Variants in AMDHD2 observed in about 807,000 individuals in gnomAD.
AMDHD2 encodes the protein N-acetylglucosamine-6-phosphate deacetylase.
In AMDHD2, 24 loss-of-function variants were observed where a neutral mutation model predicts 41.8. The observed-to-expected ratio is 0.57, with a 90% CI of 0.42 to 0.81. The LOEUF (loss-of-function observed/expected upper bound fraction) is 0.81, where lower values mean the gene tolerates loss of function less well. AMDHD2 is among the 30% of genes least tolerant of loss of function. AMDHD2 has a pLI of 0.00. For synonymous variants in AMDHD2, 332 were observed against 255.5 expected (o/e 1.30, Z -2.85); for missense variants, 540 against 588.5 (o/e 0.92, Z 0.85).
In AMDHD2 at chr16:2,529,078, A is replaced by C. The variant is rs975804942; in HGVS notation, c.1124A>C (p.Asp375Ala). ...CTGGAGAAGAGTAAGGGGACCCTGG[A>C]CTTTGGTGCTGACGCAGGTGAGGGC... ...LGLEKSKGTL[D>A]FGADADFVVL... is the part of the protein sequence containing the mutation. Residue 375 changes from aspartate to alanine, a missense_variant, in exon 10 of 11, where the codon GAC becomes GCC. By Grantham distance (126) the Asp-to-Ala change is moderately radical. Transcript: ENST00000293971. 1.3e-6 allele frequency: 2 copies of C among 1,589,924 alleles called. No homozygotes were observed. The highest frequency in any genetic ancestry group is 8.6e-7 in the Non-Finnish European group (1 of 1,169,042).
Position 2,520,479 on chromosome 16 carries a change from G to C in AMDHD2, c.21G>C (p.Ala7=). The C allele has an allele frequency of 1.6e-6, 2 of 1,233,894 alleles. No individual in the cohort carries two copies. Among genetic ancestry groups the C allele is most frequent in the Non-Finnish European group, 2.0e-6 (2 of 982,412 alleles). 76.4% of individuals were successfully genotyped at this position (1,233,894 alleles called of 1,614,324 possible). The change falls in exon 1 of 11, where the codon GCG becomes GCC. Residue 7 remains alanine (A), a synonymous_variant. Transcript: ENST00000293971. ...TCACGATGCGCGGCGAGCAGGGCGC[G>C]GCGGGGGCCCGCGTGCTCCAGTTCA... The part of the protein sequence containing the change: MRGEQG[A]AGARVLQFTN...
In AMDHD2 at chr16:2,529,074, C is replaced by G; in HGVS notation, c.1120C>G (p.Leu374Val). 1 of 1,593,508 alleles carries G rather than the reference C, an allele frequency of 6.3e-7. No individual in the cohort carries two copies. The highest frequency in any genetic ancestry group is 8.5e-7 in the Non-Finnish European group (1 of 1,170,696). Reference sequence around the variant, plus strand: ...GGGGCTGGAGAAGAGTAAGGGGACCCTGGACTTTGGTGCTGACGCAGGTGA... The same window carrying G: ...GGGGCTGGAGAAGAGTAAGGGGACCGTGGACTTTGGTGCTGACGCAGGTGA... ...LLGLEKSKGTLDFGADADFVV... is the reference protein window; with the variant it reads ...LLGLEKSKGTVDFGADADFVV... The change falls in exon 10 of 11, where the codon CTG (leucine) becomes GTG (valine). Residue 374 changes from leucine to valine, a missense_variant. By Grantham distance (32) the Leu-to-Val change is conservative. Transcript: ENST00000293971.
chr16:2,520,382 CG>C lies in AMDHD2; in HGVS notation c.-75del. 8.6e-7 allele frequency: 1 copy of C among 1,157,496 alleles called. No homozygotes were observed. The highest frequency in any genetic ancestry group is 1.1e-6 in the Non-Finnish European group (1 of 924,238). The allele number at this position is 1,157,496 out of a possible 1,614,324, so 71.7% of individuals were successfully genotyped here. A position where few individuals can be genotyped will look rare whatever the true frequency, so the allele number is the denominator to read the frequency against. On this transcript the variant is annotated 5_prime_UTR_variant, in exon 1 of 11. Coordinates refer to ENST00000293971, the MANE Select transcript of AMDHD2 (RefSeq NM_001330449.2). The stretch of plus-strand genomic sequence containing the variant: ...GTCACGTGGGCGCGGTCTCAGCTCT[CG>C]GCTGGGGTTCGTCACTGGGCGCGGG...
chr16:2,522,373 A>G (rs914513120), intron 3 of AMDHD2, among the ~76,000 whole-genome samples: 4 of 151,934 alleles, frequency 2.6e-5, no homozygotes, highest in Non-Finnish European at 5.9e-5. Flanking sequence ...TTGTGCCACC[A>G]CACCCGACTA....
In AMDHD2 at chr16:2,529,936, G is replaced by A. The variant is rs533722258; in HGVS notation, c.*373G>A. ...GGAAAGTGTCACTATGGGAGGGAGG[G>A]GCAGGCAGTCAGTGGCTGGTGCCAT... On this transcript the variant is annotated 3_prime_UTR_variant, in exon 11 of 11. Coordinates refer to ENST00000293971, the MANE Select transcript of AMDHD2 (RefSeq NM_001330449.2). 38 of 909,692 alleles carry A rather than the reference G, an allele frequency of 4.2e-5. No homozygotes were observed. Among genetic ancestry groups the A allele is most frequent in the African/African-American group, 3.9e-4 (23 of 59,724 alleles). 56.4% of individuals were successfully genotyped at this position (909,692 alleles called of 1,614,324 possible). A position where few individuals can be genotyped will look rare whatever the true frequency, so the allele number is the denominator to read the frequency against.
At position 2,530,035 on chromosome 16, in the gene AMDHD2, A is replaced by G. The variant is rs750154542; in HGVS notation, c.*472A>G. 1.3e-5 allele frequency: 10 copies of G among 765,854 alleles called. No individual in the cohort carries two copies. The highest frequency in any genetic ancestry group is 8.9e-5 in the Admixed American group (3 of 33,554). 47.4% of individuals were successfully genotyped at this position (765,854 alleles called of 1,614,324 possible). On this transcript the variant is annotated 3_prime_UTR_variant, in exon 11 of 11. Coordinates refer to ENST00000293971, the MANE Select transcript of AMDHD2 (RefSeq NM_001330449.2). ...CCAGTCACAGGGAGTGTGGACAGTC[A>G]GGGGTTTGCTTTCTGCTCCTGAGTT...
chr16:2,527,560 G>C lies in AMDHD2; in HGVS notation c.361-1G>C. The C allele has an allele frequency of 6.2e-7, 1 of 1,612,606 alleles. No individual in the cohort carries two copies. The highest frequency in any genetic ancestry group is 1.1e-5 in the South Asian group (1 of 90,574). ...GGGCTTTAACAGCTGGTTCCCCCCA[G>C]GTTGTTCCTCAGATCCCTGTGAAGA... On this transcript the variant is annotated splice_acceptor_variant, in intron 3 of 10. Transcript: ENST00000293971. LOFTEE classifies it high-confidence loss of function. This position sits in a 1 kb window ranked among gnomAD's most constrained non-coding sequence, Gnocchi z 6.1.
At chr16:2,524,806 A>T (rs542792275) in intron 3 of AMDHD2, among the ~76,000 whole-genome samples, 1 of 152,076 alleles carries the variant, frequency 6.6e-6, no homozygotes, top group Non-Finnish European at 1.5e-5. Flanking sequence ...AGAGCTGAAC[A>T]TCAGTGCTCT....
Position 2,530,645 on chromosome 16 carries a change from C to G in AMDHD2, c.*1082C>G, listed in dbSNP as rs528798188. The G allele has an allele frequency of 3.7e-6, 6 of 1,614,202 alleles. No homozygotes were observed. The African/African-American group carries it at 4.0e-5, about 11-fold the overall frequency. On this transcript the variant is annotated 3_prime_UTR_variant, in exon 11 of 11. Transcript: ENST00000293971. ...TGCCACTGTTCTCTTCCCTCTGCTG[C>G]AAAGCCCAGTTAAGGAAATGTCTCC...
intron 3 of AMDHD2, among the ~76,000 whole-genome samples, chr16:2,521,818 CTG>C (rs1230177120): frequency 2.3e-5 from 3 of 128,090 alleles, no homozygotes; most frequent in Non-Finnish European, 4.7e-5. Flanking sequence ...GAGTCTCGCT[CTG>C]TCGCCCAGGC....
At chr16:2,522,418 C>A (rs1016165652) in intron 3 of AMDHD2, among the ~76,000 whole-genome samples, 1 of 152,094 alleles carries the variant, frequency 6.6e-6, no homozygotes, top group Non-Finnish European at 1.5e-5. Flanking sequence ...CGCGGTGGCT[C>A]ACGCCTGTAA....
chr16:2,527,804 G>T lies in AMDHD2; in HGVS notation c.447G>T (p.Arg149=). ...ACCTGGAGGGCCCCTTCATCAGCCG[G>T]GAGAAGCGGGGCGCGCACCCCGAGG... ...GLHLEGPFIS[R]EKRGAHPEAH... Residue 149 remains arginine (R), a synonymous_variant, in exon 5 of 11, where the codon CGG becomes CGT. Coordinates refer to ENST00000293971, the MANE Select transcript of AMDHD2 (RefSeq NM_001330449.2). This position sits in a 1 kb window ranked among gnomAD's most constrained non-coding sequence, Gnocchi z 6.1. The T allele has an allele frequency of 6.3e-7, 1 of 1,586,212 alleles. No homozygotes were observed. The highest frequency in any genetic ancestry group is 8.5e-7 in the Non-Finnish European group (1 of 1,170,978).
chr16:2,521,392 C>G (rs889135750), intron 3 of AMDHD2, among the ~76,000 whole-genome samples: 5 of 152,168 alleles, frequency 3.3e-5, no homozygotes, highest in African/African-American at 9.7e-5. Flanking sequence ...GTCCCCACCC[C>G]CTGCACTGCA....
chr16:2,523,786 A>G (rs549568329), intron 3 of AMDHD2, among the ~76,000 whole-genome samples: 215 of 151,564 alleles, frequency 1.4e-3, no homozygotes, highest in African/African-American at 5.0e-3. Flanking sequence ...TTCCTTTCCT[A>G]CCTGTCCAGC....
In AMDHD2 at chr16:2,530,759, AG is replaced by A. The variant is rs768912903; in HGVS notation, c.*1199del. The A allele has an allele frequency of 6.2e-7, 1 of 1,613,554 alleles. No homozygotes were observed. ...ACCTGCCTGGGCAGGGCCTCGCCTGAGGGAGGGCCTGGGGCAGGGCACAAGG... is the reference window on the plus strand; with the variant it reads ...ACCTGCCTGGGCAGGGCCTCGCCTGAGGAGGGCCTGGGGCAGGGCACAAGG... On this transcript the variant is annotated 3_prime_UTR_variant, in exon 11 of 11. Transcript: ENST00000293971.
intron 3 of AMDHD2, among the ~76,000 whole-genome samples, chr16:2,522,307 C>T (rs1463874266): frequency 1.3e-5 from 2 of 152,182 alleles, no homozygotes; most frequent in East Asian, 3.9e-4. Context: ...GTTCTGAACT[C>T]CTGGGCTCAA....
At position 2,520,976 on chromosome 16, in the gene AMDHD2, G is replaced by T. The variant is rs1412007983; in HGVS notation, c.221-8G>T. 2.9e-5 allele frequency: 47 copies of T among 1,597,876 alleles called. No homozygotes were observed. Among genetic ancestry groups the T allele is most frequent in the Non-Finnish European group, 3.9e-5 (46 of 1,168,744 alleles). On this transcript the variant is annotated splice_polypyrimidine_tract_variant and splice_region_variant and intron_variant, in intron 2 of 10. Transcript: ENST00000293971. ...CTCCATGCGACACTTCCTTTTCTGT[G>T]GCTGCAGGTGGATTTGGTGTTGACT...
chr16:2,530,917 G>T lies in AMDHD2; in HGVS notation c.*1354G>T. ...TTGACGGCCGCGCACCCCTTAGGAA[G>T]TGGCTGTCCAGCGCCTGCCTGTGCT... On this transcript the variant is annotated 3_prime_UTR_variant, in exon 11 of 11. Coordinates refer to ENST00000293971, the MANE Select transcript of AMDHD2 (RefSeq NM_001330449.2). The T allele has an allele frequency of 6.2e-7, 1 of 1,613,484 alleles. No homozygotes were observed. The highest frequency in any genetic ancestry group is 8.5e-7 in the Non-Finnish European group (1 of 1,179,980).
At chr16:2,521,602 G>T (rs1314122165) in intron 3 of AMDHD2, among the ~76,000 whole-genome samples, 5 of 151,986 alleles carry the variant, frequency 3.3e-5, no homozygotes, top group Non-Finnish European at 7.4e-5. Flanking sequence ...TTTCCTGCCC[G>T]GAAGAAATTT....
Sources: gnomAD v4.1 joint callset for allele counts (sites outside exome capture counted in the v4.1 genomes callset) on GRCh38, gnomAD v4.1.1 for gene constraint, Gnocchi (gnomAD v3.1) non-coding constraint, MANE v1.5 for transcripts, NCBI Gene and HGNC (gene_info 2026-07-23, HGNC 2026-07-21) for gene names.